ZNF292: variants seen among roughly 807,000 people sequenced by gnomAD.
The protein encoded by ZNF292 is zinc finger protein 292.
In ZNF292, 26 loss-of-function variants were observed where a neutral mutation model predicts 217.9. The ratio of observed to expected loss-of-function variants is 0.12; its 90% CI spans 0.09 to 0.17. ZNF292 has a LOEUF of 0.17. ZNF292 is among the 10% of genes least tolerant of loss of function. The pLI is 1.00. For synonymous variants in ZNF292, 1,257 were observed against 1,124.1 expected (o/e 1.12, Z -2.37); for missense variants, 2,904 against 3,175.2 (o/e 0.91, Z 2.05).
intron 1 of ZNF292, among the ~76,000 whole-genome samples, chr6:87,181,232 G>A (rs1222793208): frequency 6.6e-6 from 1 of 152,146 alleles, no homozygotes; most frequent in Admixed American, 6.5e-5. Context: ...CTCGAAGGAT[G>A]AGTGCAAGAT....
chr6:87,207,323 T>C (rs1487688950), intron 1 of ZNF292, among the ~76,000 whole-genome samples: 1 of 152,230 alleles, frequency 6.6e-6, no homozygotes, highest in African/African-American at 2.4e-5. Flanking sequence ...TTAAGATTGC[T>C]TTAGCTGCAT....
At chr6:87,170,387 TGAAGA>T (rs1771061337) in intron 1 of ZNF292, 3 of 152,344 alleles carry the variant, frequency 2.0e-5, no homozygotes. Flanking sequence ...TTCATCAGCA[TGAAGA>T]TATTTTGTAG....
intron 1 of ZNF292, among the ~76,000 whole-genome samples, chr6:87,181,939 C>T (rs1771485516): frequency 2.0e-5 from 3 of 152,160 alleles, no homozygotes; most frequent in Admixed American, 2.0e-4. Context: ...CCATCTCGGC[C>T]TCCCAAAGTG....
At chr6:87,163,574 G>A (rs1770822588) in intron 1 of ZNF292, among the ~76,000 whole-genome samples, 1 of 152,130 alleles carries the variant, frequency 6.6e-6, no homozygotes, top group South Asian at 2.1e-4. Flanking sequence ...GAATTATGGA[G>A]TGGACCTCCA....
chr6:87,159,416 G>A (rs1489189950), intron 1 of ZNF292, among the ~76,000 whole-genome samples: 1 of 150,722 alleles, frequency 6.6e-6, no homozygotes, highest in East Asian at 1.9e-4. Context: ...TTGCTACATT[G>A]CCCAGGTATG....
chr6:87,209,113 T>TCC (rs1772373944), intron 1 of ZNF292, among the ~76,000 whole-genome samples: 1 of 124,210 alleles, frequency 8.1e-6, no homozygotes, highest in Non-Finnish European at 1.7e-5. Flanking sequence ...CACCCCCCCC[T>TCC]CCCCATTTTC....
Position 87,260,147 on chromosome 6 carries a change from G to T in ZNF292, c.6518G>T (p.Arg2173Leu). ...ACTAAACAAACTTTGAAAGAATTTC[G>T]ATGTCAGGTAAGTGACTGTTCTCGA... is the stretch of plus-strand genomic sequence containing the variant. ...TETKQTLKEFRCQVSDCSRIF... is the reference protein window; with the variant it reads ...TETKQTLKEFLCQVSDCSRIF... Residue 2173 changes from arginine to leucine, a missense_variant, in exon 8 of 8, where the codon CGA becomes CTA. This residue lies in a region of ZNF292 where 261 missense variants were observed against 272.8 expected (regional missense o/e 0.96). Transcript: ENST00000369577. 1.2e-6 allele frequency: 2 copies of T among 1,613,208 alleles called. No homozygotes were observed. Among genetic ancestry groups the T allele is most frequent in the Non-Finnish European group, 1.7e-6 (2 of 1,179,426 alleles).
chr6:87,211,316 A>G (rs116850588), intron 1 of ZNF292, among the ~76,000 whole-genome samples: 1,644 of 152,366 alleles, frequency 0.011, 13 homozygotes, highest in Non-Finnish European at 0.017. Context: ...TGTGAGACAC[A>G]CAGAATAAAA....
intron 4 of ZNF292, among the ~76,000 whole-genome samples, chr6:87,224,982 G>A (rs1173825142): frequency 2.0e-5 from 3 of 152,166 alleles, no homozygotes; most frequent in Admixed American, 2.0e-4. Context: ...ATTCTCATCA[G>A]CAATGAATAA....
chr6:87,171,634 G>T (rs1468972262), intron 1 of ZNF292, among the ~76,000 whole-genome samples: 1 of 152,106 alleles, frequency 6.6e-6, no homozygotes, highest in East Asian at 1.9e-4. Flanking sequence ...CAAAAATGTT[G>T]TAATTTCACC....
At chr6:87,194,583 G>A (rs549827079) in intron 1 of ZNF292, among the ~76,000 whole-genome samples, 2 of 152,112 alleles carry the variant, frequency 1.3e-5, no homozygotes, top group African/African-American at 4.8e-5. Context: ...AAAACAACAA[G>A]AAATGGTGGA....
chr6:87,265,607 C>T lies in ZNF292; in HGVS notation c.*3806C>T, dbSNP rs920632625. On this transcript the variant is annotated 3_prime_UTR_variant, in exon 8 of 8. Coordinates refer to ENST00000369577, the MANE Select transcript of ZNF292 (RefSeq NM_015021.3). ...AAAAGTTGAAAGGGAATTTTCCAGA[C>T]TTAATTGACCCTGAGAACATTTTTC... is the stretch of plus-strand genomic sequence containing the variant. 6.6e-6 allele frequency among the ~76,000 whole-genome samples: 1 copy of T among 152,166 alleles called. No homozygotes were observed. The highest frequency in any genetic ancestry group is 2.4e-5 in the African/African-American group (1 of 41,440).
At chr6:87,180,003 A>G (rs914241451) in intron 1 of ZNF292, among the ~76,000 whole-genome samples, 1 of 152,150 alleles carries the variant, frequency 6.6e-6, no homozygotes, top group Non-Finnish European at 1.5e-5. Flanking sequence ...CCAGCTCTAA[A>G]TTACCTCTTC....
chr6:87,169,109 C>A (rs939309716), intron 1 of ZNF292, among the ~76,000 whole-genome samples: 11 of 152,008 alleles, frequency 7.2e-5, no homozygotes, highest in Admixed American at 4.6e-4. Flanking sequence ...GTGGCACCAT[C>A]TCGGCTCACT....
chr6:87,167,889 A>C (rs766195905), intron 1 of ZNF292, among the ~76,000 whole-genome samples: 1 of 152,234 alleles, frequency 6.6e-6, no homozygotes, highest in Non-Finnish European at 1.5e-5. Context: ...TCCAGAGTGT[A>C]GTCCTTTCTT....
Position 87,257,447 on chromosome 6 carries a change from C to G in ZNF292, c.3818C>G (p.Ser1273Cys), listed in dbSNP as rs1775290828. 1.2e-6 allele frequency: 2 copies of G among 1,613,328 alleles called. No homozygotes were observed. The highest frequency in any genetic ancestry group is 1.3e-5 in the African/African-American group (1 of 74,918). ...LPLPAESSSMSLFPSPADSGT... is the reference protein window; with the variant it reads ...LPLPAESSSMCLFPSPADSGT... Reference sequence around the variant, plus strand: ...TTACCTGCAGAAAGTAGTTCAATGTCTCTCTTCCCTTCACCAGCAGATAGT... The same window carrying G: ...TTACCTGCAGAAAGTAGTTCAATGTGTCTCTTCCCTTCACCAGCAGATAGT... The change falls in exon 8 of 8, where the codon TCT becomes TGT. Residue 1273 changes from serine to cysteine, a missense_variant. Ser to Cys is a moderately radical substitution (Grantham distance 112, BLOSUM62 -1). This residue lies in a region of ZNF292 where 687 missense variants were observed against 623.0 expected (regional missense o/e 1.10). Transcript: ENST00000369577.
Position 87,257,957 on chromosome 6 carries a change from A to T in ZNF292, c.4328A>T (p.Asn1443Ile). 6.2e-7 allele frequency: 1 copy of T among 1,613,948 alleles called. No individual in the cohort carries two copies. Among genetic ancestry groups the T allele is most frequent in the Admixed American group, 1.7e-5 (1 of 60,006 alleles). The change falls in exon 8 of 8, where the codon AAT becomes ATT. Residue 1443 changes from asparagine to isoleucine, a missense_variant. Coordinates refer to ENST00000369577, the MANE Select transcript of ZNF292 (RefSeq NM_015021.3). The stretch of plus-strand genomic sequence containing the variant: ...CAGCAGCCACAACAATCTACCTTCA[A>T]TCCAGAAGCATGTTTTAAAGATCCA... ...NLQQPQQSTFNPEACFKDPSF... is the reference protein window; with the variant it reads ...NLQQPQQSTFIPEACFKDPSF...
chr6:87,157,881 G>T (rs1770598974), intron 1 of ZNF292, among the ~76,000 whole-genome samples: 1 of 152,060 alleles, frequency 6.6e-6, no homozygotes, highest in African/African-American at 2.4e-5. Flanking sequence ...TAGAGATGAG[G>T]TTTGGGGTTT....
chr6:87,188,081 A>G (rs6913159), intron 1 of ZNF292, among the ~76,000 whole-genome samples: 57,246 of 152,048 alleles, frequency 0.38, 11,287 homozygotes, highest in Admixed American at 0.52. Flanking sequence ...AAAGACCCTA[A>G]AAGACTGTAT....
Sources: gnomAD v4.1 joint callset for allele counts (sites outside exome capture counted in the v4.1 genomes callset) on GRCh38, gnomAD v4.1.1 for gene constraint, gnomAD v4.1.1 regional missense constraint, MANE v1.5 for transcripts, NCBI Gene and HGNC (gene_info 2026-07-23, HGNC 2026-07-21) for gene names.